Variants in AGBL2 observed in about 807,000 individuals in gnomAD.
AGBL2 encodes cytosolic carboxypeptidase 2.
Under a neutral mutation model 103.0 loss-of-function variants are expected in AGBL2, and 87 were observed. The ratio of observed to expected loss-of-function variants is 0.84; its 90% CI spans 0.71 to 1.01. The LOEUF is 1.01. Ranked by LOEUF, AGBL2 falls within the 50% of genes least tolerant of loss-of-function variation. The pLI is 0.00. For synonymous variants in AGBL2, 335 were observed against 356.7 expected (o/e 0.94, Z 0.69); for missense variants, 904 against 1,023.5 (o/e 0.88, Z 1.59).
chr11:47,698,549 T>C (rs1187819758), intron 8 of AGBL2, among the ~76,000 whole-genome samples: 1 of 152,178 alleles, frequency 6.6e-6, no homozygotes, highest in Non-Finnish European at 1.5e-5. Context: ...TTTACTAAGG[T>C]AGAAGCTTAG....
chr11:47,704,340 C>T (rs1371809401), intron 7 of AGBL2, among the ~76,000 whole-genome samples: 2 of 151,438 alleles, frequency 1.3e-5, no homozygotes, highest in Non-Finnish European at 2.9e-5. Context: ...ATTAGCTGGG[C>T]GTGGTGGTGT....
chr11:47,706,492 G>C (rs978273442), intron 4 of AGBL2, among the ~76,000 whole-genome samples: 1 of 152,022 alleles, frequency 6.6e-6, no homozygotes, highest in African/African-American at 2.4e-5. Flanking sequence ...CTCCAGCCTG[G>C]GGCACAGAGC....
chr11:47,686,108 G>T, intron 10 of AGBL2, 59 bp from the exon 11 acceptor site: 1 of 1,538,466 alleles, frequency 6.5e-7, no homozygotes, highest in Non-Finnish European at 8.9e-7. Flanking sequence ...AATAATTAAG[G>T]ATCATTTGGT....
Position 47,683,342 on chromosome 11 carries a change from G to A in AGBL2, c.1789-1247C>T, listed in dbSNP as rs576458725. Among the ~76,000 whole-genome samples the A allele has an allele frequency of 9.2e-5, 14 of 151,818 alleles. No homozygotes were observed. The East Asian group carries it at 2.1e-3, about 23-fold the overall frequency. On this transcript the variant is annotated intron_variant, in intron 11 of 18. Transcript: ENST00000525123. ...GAGCTGAGATCGTGCCACTGACTCC[G>A]GCTTGGGCGACAGAGCGAGACTCAA...
chr11:47,681,286 C>T (rs1003928700), intron 12 of AGBL2, among the ~76,000 whole-genome samples: 22 of 151,930 alleles, frequency 1.4e-4, no homozygotes, highest in African/African-American at 4.4e-4. Flanking sequence ...GAGCCATGAT[C>T]ATGCCACTAC....
intron 17 of AGBL2, 40 bp from the exon 18 acceptor site, chr11:47,663,152 G>C (rs750290829): frequency 1.6e-6 from 2 of 1,286,138 alleles, no homozygotes; most frequent in South Asian, 1.3e-5. Context: ...TTTTCCACTT[G>C]AGCAAGTGTG....
chr11:47,711,003 C>A, intron 3 of AGBL2: 1 of 364,156 alleles, frequency 2.7e-6, no homozygotes. Flanking sequence ...AGGGTTCCAA[C>A]CCTCAATAAC....
At chr11:47,710,288 C>T in intron 4 of AGBL2, 89 bp downstream of exon 4, 1 of 1,546,494 alleles carries the variant, frequency 6.5e-7, no homozygotes, top group Non-Finnish European at 8.9e-7. Context: ...TCCCTGGCCT[C>T]TCCCATGTTA....
rs2097543454 is a variant in AGBL2 at position 47,714,112 on chromosome 11, A to AC, written c.97+171dup. On this transcript the variant is annotated intron_variant, in intron 3 of 18. Transcript: ENST00000525123. ...TGATGCTGTCTACTTGACAGAGGTGACCCGCAGATCAATGGGGAAAGGAAG... is the reference window on the plus strand; with the variant it reads ...TGATGCTGTCTACTTGACAGAGGTGACCCCGCAGATCAATGGGGAAAGGAAG... 57 of 598,824 alleles carry AC rather than the reference A, an allele frequency of 9.5e-5. No homozygotes were observed. The South Asian group carries it at 1.1e-3, about 11-fold the overall frequency. 37.1% of individuals were successfully genotyped at this position (598,824 alleles called of 1,614,324 possible).
intron 9 of AGBL2, among the ~76,000 whole-genome samples, chr11:47,691,655 C>T (rs1411313158): frequency 7.4e-6 from 1 of 135,576 alleles, no homozygotes; most frequent in Non-Finnish European, 1.5e-5. Context: ...TTGCAGTGAG[C>T]CAAGATCATG....
At chr11:47,695,080 G>A (rs890516639) in intron 8 of AGBL2, among the ~76,000 whole-genome samples, 3 of 152,064 alleles carry the variant, frequency 2.0e-5, no homozygotes, top group Non-Finnish European at 2.9e-5. Flanking sequence ...AACCCGGGAG[G>A]CAGAGGTTGC....
chr11:47,698,615 A>G (rs2097486229), intron 8 of AGBL2, among the ~76,000 whole-genome samples: 1 of 152,138 alleles, frequency 6.6e-6, no homozygotes, highest in African/African-American at 2.4e-5. Flanking sequence ...AGCCATAAAT[A>G]CCCATAAATA....
Position 47,706,890 on chromosome 11 carries a change from CCAAA to C in AGBL2, c.233-977_233-974del, listed in dbSNP as rs1482472590. Among the ~76,000 whole-genome samples, 10 of 53,240 alleles carry C rather than the reference CCAAA, an allele frequency of 1.9e-4. 1 individual carries two copies. The highest frequency in any genetic ancestry group is 1.6e-3 in the Admixed American group (8 of 5,026). The allele number at this position is 53,240 out of a possible 152,430, so 34.9% of individuals were successfully genotyped here. ...ATGGTGAAACCCTGTCTCTACTATT[CCAAA>C]AAAAAAAAAAAAAAAAAAAGAATTA... On this transcript the variant is annotated intron_variant, in intron 4 of 18. Coordinates refer to ENST00000525123, the MANE Select transcript of AGBL2 (RefSeq NM_024783.4).
intron 7 of AGBL2, among the ~76,000 whole-genome samples, chr11:47,702,505 T>C (rs771339928): frequency 2.6e-5 from 4 of 152,154 alleles, no homozygotes; most frequent in Non-Finnish European, 5.9e-5. Context: ...TCATCACTAC[T>C]ATCTCTAGCA....
chr11:47,675,014 G>A (rs1369742175), intron 14 of AGBL2, among the ~76,000 whole-genome samples: 2 of 151,892 alleles, frequency 1.3e-5, no homozygotes, highest in African/African-American at 4.8e-5. Context: ...GATTACAGGT[G>A]TGAGCCACCG....
At chr11:47,666,637 A>T in intron 17 of AGBL2, 1 of 544,876 alleles carries the variant, frequency 1.8e-6, no homozygotes, top group South Asian at 2.7e-5. Flanking sequence ...AATAAAATTC[A>T]TTGATTTATT....
intron 13 of AGBL2, among the ~76,000 whole-genome samples, chr11:47,677,951 T>C (rs2153803382): frequency 6.6e-6 from 1 of 152,174 alleles, no homozygotes; most frequent in Middle Eastern, 3.4e-3. Context: ...TTTCTCTGAC[T>C]AGAGCCAACT....
At chr11:47,687,896 C>G (rs551011695) in intron 10 of AGBL2, among the ~76,000 whole-genome samples, 2 of 151,438 alleles carry the variant, frequency 1.3e-5, no homozygotes, top group Admixed American at 1.3e-4. Flanking sequence ...CAACCTCTGC[C>G]TCCCAGGTTC....
intron 13 of AGBL2, 25 bp from the exon 14 acceptor site, chr11:47,677,426 T>C (rs953633068): frequency 7.1e-7 from 1 of 1,408,400 alleles, no homozygotes. Context: ...AAAAGAACTA[T>C]TTTGTTAATT....
Sources: gnomAD v4.1 joint callset for allele counts (sites outside exome capture counted in the v4.1 genomes callset) on GRCh38, gnomAD v4.1.1 for gene constraint, MANE v1.5 for transcripts, NCBI Gene and HGNC (gene_info 2026-07-23, HGNC 2026-07-21) for gene names.